The following TCF7L1 variants were observed in gnomAD, a reference collection of about 807,000 sequenced individuals.
The protein encoded by TCF7L1 is transcription factor 7 like 1.
In TCF7L1, 18 loss-of-function variants were observed where a neutral mutation model predicts 63.7. The ratio of observed to expected loss-of-function variants is 0.28; its 90% CI spans 0.20 to 0.42. The LOEUF (loss-of-function observed/expected upper bound fraction) is 0.42. Among genes scored for constraint, TCF7L1 ranks in the 10% least tolerant of loss-of-function variants. The pLI is 1.00. For synonymous variants in TCF7L1, 355 were observed against 340.9 expected, an observed-to-expected ratio of 1.04 and a Z score of -0.46; for missense variants, 654 against 779.3, an observed-to-expected ratio of 0.84 and a Z score of 1.91.
At chr2:85,278,435 A>G (rs988394202) in intron 3 of TCF7L1, among the ~76,000 whole-genome samples, 6 of 152,280 alleles carry the variant, frequency 3.9e-5, no homozygotes, top group African/African-American at 1.4e-4. Flanking sequence ...CTAGCATTCC[A>G]CAATACAGCG....
chr2:85,261,123 G>GGGGTGTGTGTGT (rs1194613521), intron 3 of TCF7L1, among the ~76,000 whole-genome samples: 3 of 106,698 alleles, frequency 2.8e-5, no homozygotes, highest in Non-Finnish European at 6.6e-5. Flanking sequence ...AATTATTGCT[G>GGGGTGTGTGTGT]GTGTGTGTGT....
At position 85,250,593 on chromosome 2, in the gene TCF7L1, C is replaced by A. The variant is rs551689352; in HGVS notation, c.442-32902C>A. 2.2e-4 allele frequency among the ~76,000 whole-genome samples: 34 copies of A among 152,204 alleles called. No individual in the cohort carries two copies. The South Asian group carries it at 6.8e-3, about 31-fold the overall frequency. ...CTGGGATTACAGGCGCCGGCCACCA[C>A]GCCTGGCTGATTTTTGTATTTTTAG... On this transcript the variant is annotated intron_variant, in intron 3 of 11. Transcript: ENST00000282111.
intron 4 of TCF7L1, 37 bp downstream of exon 4, chr2:85,283,615 T>G (rs1195816420): frequency 1.7e-5 from 27 of 1,608,320 alleles, no homozygotes; most frequent in Non-Finnish European, 2.3e-5. Context: ...AAAGGGCCAC[T>G]ATTAGTGGCC....
chr2:85,302,567 C>G lies in TCF7L1; in HGVS notation c.609C>G (p.Ser203=). The G allele has an allele frequency of 6.2e-7, 1 of 1,614,142 alleles. No individual in the cohort carries two copies. The highest frequency in any genetic ancestry group is 8.5e-7 in the Non-Finnish European group (1 of 1,179,972). ...TCACCTACAGCAATGACCACTTCTC[C>G]CCCGGCTCCCCTCCCACCCACCTCT... ...PLITYSNDHF[S]PGSPPTHLSP... Residue 203 remains serine (S), a synonymous_variant, in exon 5 of 12, where the codon TCC becomes TCG. Transcript: ENST00000282111.
chr2:85,162,174 G>T (rs34891553), intron 3 of TCF7L1, among the ~76,000 whole-genome samples: 2,554 of 152,210 alleles, frequency 0.017, 37 homozygotes, highest in Non-Finnish European at 0.021. Context: ...GTTTGAGGCT[G>T]CAGTGAAGTA....
intron 3 of TCF7L1, among the ~76,000 whole-genome samples, chr2:85,199,718 C>T (rs957028199): frequency 2.0e-5 from 3 of 152,168 alleles, no homozygotes; most frequent in Admixed American, 2.0e-4. Flanking sequence ...AAATATTATA[C>T]AAGATAATTT....
intron 3 of TCF7L1, among the ~76,000 whole-genome samples, chr2:85,263,266 G>A (rs1298684241): frequency 6.8e-6 from 1 of 146,708 alleles, no homozygotes; most frequent in Non-Finnish European, 1.5e-5. Flanking sequence ...GGGCTTTAAT[G>A]CCCACTGAGC....
chr2:85,188,390 G>T (rs1172344042), intron 3 of TCF7L1, among the ~76,000 whole-genome samples: 3 of 152,156 alleles, frequency 2.0e-5, no homozygotes, highest in African/African-American at 4.8e-5. Context: ...ATCGGGGGAG[G>T]CTAGGCTAGA....
chr2:85,239,802 G>A (rs62165589), intron 3 of TCF7L1, among the ~76,000 whole-genome samples: 34,134 of 151,640 alleles, frequency 0.23, 4,766 homozygotes, highest in Non-Finnish European at 0.32. Flanking sequence ...AAATTTAGCC[G>A]GGCATGGTGG....
intron 4 of TCF7L1, among the ~76,000 whole-genome samples, chr2:85,288,888 C>T (rs1243048198): frequency 2.6e-5 from 4 of 152,114 alleles, no homozygotes; most frequent in Non-Finnish European, 5.9e-5. Context: ...TGTCCAGCCA[C>T]GCAAAACACA....
chr2:85,304,337 A>G lies in TCF7L1; in HGVS notation c.844A>G (p.Ser282Gly), dbSNP rs1240374420. ...CCTCGCCATGAACGCCTCGATGTCC[A>G]GGTGAGTCCCGGGGCTGGGGCTGTC... Reference protein sequence around the residue: ...PALAMNASMSSLVSSRFSPHM... With the variant: ...PALAMNASMSGLVSSRFSPHM... Residue 282 changes from serine (S) to glycine (G), a missense_variant and splice_region_variant, in exon 7 of 12, where the codon AGC becomes GGC. This residue lies in a region of TCF7L1 where 404 missense variants were observed against 454.8 expected (regional missense o/e 0.89). Transcript: ENST00000282111. 1.2e-6 allele frequency: 2 copies of G among 1,613,896 alleles called. No homozygotes were observed. Among genetic ancestry groups the G allele is most frequent in the Non-Finnish European group, 1.7e-6 (2 of 1,179,936 alleles).
intron 3 of TCF7L1, among the ~76,000 whole-genome samples, chr2:85,187,007 A>T (rs1678941847): frequency 1.3e-5 from 2 of 152,170 alleles, no homozygotes; most frequent in Admixed American, 6.5e-5. Flanking sequence ...TAGTTTGGTG[A>T]ACATACTCCG....
At chr2:85,287,700 A>T (rs1358250142) in intron 4 of TCF7L1, among the ~76,000 whole-genome samples, 1 of 152,212 alleles carries the variant, frequency 6.6e-6, no homozygotes. Context: ...AGAAAATCTT[A>T]ACTGGGAATT....
chr2:85,205,502 G>A (rs1429693695), intron 3 of TCF7L1, among the ~76,000 whole-genome samples: 7 of 151,692 alleles, frequency 4.6e-5, no homozygotes, highest in African/African-American at 9.7e-5. Flanking sequence ...GAAGACTTCC[G>A]GGGCAGCAAG....
At chr2:85,308,347 TCCTC>T (rs1277892565) in intron 11 of TCF7L1, among the ~76,000 whole-genome samples, 1 of 147,942 alleles carries the variant, frequency 6.8e-6, no homozygotes, top group Admixed American at 6.6e-5. Context: ...TCTTCTTCAT[TCCTC>T]CCTCCCTCCC....
At chr2:85,191,094 A>G (rs1679031850) in intron 3 of TCF7L1, among the ~76,000 whole-genome samples, 1 of 149,900 alleles carries the variant, frequency 6.7e-6, no homozygotes, top group Non-Finnish European at 1.5e-5. Context: ...AGAGCCTTAT[A>G]ACTTATTTGG....
chr2:85,261,395 G>A (rs913167359), intron 3 of TCF7L1, among the ~76,000 whole-genome samples: 6 of 152,192 alleles, frequency 3.9e-5, no homozygotes, highest in African/African-American at 1.4e-4. Context: ...TCATTTTCAT[G>A]TTTGTGATTT....
Position 85,213,866 on chromosome 2 carries a change from C to T in TCF7L1, c.442-69629C>T, listed in dbSNP as rs574582690. ...ATTTCGACTGAAACGTCTCACAGCT[C>T]CAACCCACTGCCCCCATATCTTGCA... On this transcript the variant is annotated intron_variant, in intron 3 of 11. Coordinates refer to ENST00000282111, the MANE Select transcript of TCF7L1 (RefSeq NM_031283.3). Among the ~76,000 whole-genome samples, 5 of 152,318 alleles carry T rather than the reference C, an allele frequency of 3.3e-5. No individual in the cohort carries two copies. The East Asian group carries it at 9.6e-4, about 29-fold the overall frequency.
intron 3 of TCF7L1, among the ~76,000 whole-genome samples, chr2:85,279,971 T>G (rs940676729): frequency 1.3e-5 from 2 of 152,214 alleles, no homozygotes; most frequent in African/African-American, 4.8e-5. Context: ...AACAAGTACA[T>G]GGTCAGACAC....
Sources: allele counts gnomAD v4.1 joint callset (sites outside exome capture counted in the v4.1 genomes callset), GRCh38; gene constraint gnomAD v4.1.1; regional missense constraint gnomAD v4.1.1; transcripts MANE v1.5; gene names NCBI Gene and HGNC (gene_info 2026-07-23, HGNC 2026-07-21).